MYT1L: variants seen among roughly 807,000 people sequenced by gnomAD.
MYT1L encodes the protein myelin transcription factor 1 like.
In MYT1L, 12 loss-of-function variants were observed where a neutral mutation model predicts 126.7. The observed-to-expected ratio is 0.09, with a 90% confidence interval of 0.06 to 0.15. The LOEUF (loss-of-function observed/expected upper bound fraction) is 0.15. Ranked by LOEUF, MYT1L falls within the 10% of genes least tolerant of loss-of-function variation. The pLI is 1.00. For missense variants in MYT1L, 979 were observed against 1,585.2 expected (o/e 0.62, Z 6.49); for synonymous variants, 541 against 604.2 (o/e 0.90, Z 1.53).
At chr2:2,067,339 T>C (rs867363906) in intron 3 of MYT1L, among the ~76,000 whole-genome samples, 8 of 152,168 alleles carry the variant, frequency 5.3e-5, no homozygotes, top group Admixed American at 2.0e-4. Flanking sequence ...AATACATATA[T>C]TCCTTAACAA....
At chr2:2,158,236 T>C (rs1049497546) in intron 3 of MYT1L, among the ~76,000 whole-genome samples, 3 of 151,692 alleles carry the variant, frequency 2.0e-5, no homozygotes, top group African/African-American at 7.3e-5. Context: ...TGGCCCTTGC[T>C]AGGCAGATTT....
At chr2:2,168,602 G>A (rs777150897) in intron 3 of MYT1L, among the ~76,000 whole-genome samples, 2 of 152,194 alleles carry the variant, frequency 1.3e-5, no homozygotes, top group African/African-American at 2.4e-5. Context: ...TGTGCTGAGA[G>A]CTGGGTACAC....
intron 4 of MYT1L, among the ~76,000 whole-genome samples, chr2:2,020,348 TAGAG>T (rs1558760637): frequency 6.6e-6 from 1 of 152,190 alleles, no homozygotes; most frequent in Non-Finnish European, 1.5e-5. Context: ...TTCTCAAGGG[TAGAG>T]ATTTATTTAA....
intron 2 of MYT1L, among the ~76,000 whole-genome samples, chr2:2,279,223 C>G (rs765516017): frequency 1.3e-5 from 2 of 152,114 alleles, no homozygotes; most frequent in Non-Finnish European, 2.9e-5. Context: ...ACAAAACTCC[C>G]TTGGTTTTAT....
intron 21 of MYT1L, among the ~76,000 whole-genome samples, chr2:1,836,791 TC>T (rs1341454631): frequency 6.6e-6 from 1 of 151,414 alleles, no homozygotes; most frequent in African/African-American, 2.4e-5. Flanking sequence ...CACCCCAAGA[TC>T]CCATCAGCCT....
chr2:2,085,967 G>A (rs2076315411), intron 3 of MYT1L, among the ~76,000 whole-genome samples: 1 of 152,164 alleles, frequency 6.6e-6, no homozygotes, highest in Non-Finnish European at 1.5e-5. Context: ...AGAAGGGAAT[G>A]GAATCTCAAC....
chr2:1,833,011 G>A (rs985668486), intron 21 of MYT1L, among the ~76,000 whole-genome samples: 3 of 152,152 alleles, frequency 2.0e-5, no homozygotes, highest in Non-Finnish European at 4.4e-5. Context: ...TGTCTGTGTC[G>A]GCCGAATGAG....
intron 2 of MYT1L, among the ~76,000 whole-genome samples, chr2:2,232,176 G>A: frequency 6.6e-6 from 1 of 152,236 alleles, no homozygotes. Context: ...CAGTGGTGCA[G>A]ATGGCTGAGT....
At chr2:2,204,199 G>A (rs2093208976) in intron 2 of MYT1L, among the ~76,000 whole-genome samples, 1 of 152,146 alleles carries the variant, frequency 6.6e-6, no homozygotes, top group Admixed American at 6.5e-5. Context: ...ACATAGGCAT[G>A]GGCAAGGACT....
At chr2:2,219,356 C>T (rs182438355) in intron 2 of MYT1L, among the ~76,000 whole-genome samples, 1 of 152,270 alleles carries the variant, frequency 6.6e-6, no homozygotes, top group Non-Finnish European at 1.5e-5. Flanking sequence ...GAGACACTGC[C>T]TCCAGCTGTA....
chr2:2,330,611 T>C (rs2096278957), intron 1 of MYT1L, among the ~76,000 whole-genome samples: 1 of 152,234 alleles, frequency 6.6e-6, no homozygotes, highest in African/African-American at 2.4e-5. Context: ...CATAAAATGA[T>C]GTGCTTCATT....
At chr2:1,926,541 G>A (rs2054252874) in intron 9 of MYT1L, among the ~76,000 whole-genome samples, 1 of 152,156 alleles carries the variant, frequency 6.6e-6, no homozygotes, top group South Asian at 2.1e-4. Flanking sequence ...CAAAAAGCAG[G>A]AGGCCATTTT....
chr2:2,241,851 G>A (rs575059983), intron 2 of MYT1L, among the ~76,000 whole-genome samples: 16 of 152,222 alleles, frequency 1.1e-4, no homozygotes, highest in African/African-American at 3.6e-4. Context: ...AACAGATACC[G>A]TACAATGCCA....
At chr2:1,797,925 T>TC (rs1446144052) in intron 23 of MYT1L, among the ~76,000 whole-genome samples, 3 of 35,668 alleles carry the variant, frequency 8.4e-5, no homozygotes, top group African/African-American at 1.1e-4. Flanking sequence ...CGCGGCGGTC[T>TC]CCCCCTTCTC....
chr2:1,924,840 A>T (rs1365375849), intron 9 of MYT1L, among the ~76,000 whole-genome samples: 1 of 152,238 alleles, frequency 6.6e-6, no homozygotes, highest in Non-Finnish European at 1.5e-5. Context: ...TGAATCAGAA[A>T]CATTGTGGAA....
At chr2:2,086,676 G>A (rs779147933) in intron 3 of MYT1L, among the ~76,000 whole-genome samples, 3 of 152,128 alleles carry the variant, frequency 2.0e-5, no homozygotes, top group Non-Finnish European at 2.9e-5. Context: ...AAGGAGCCCC[G>A]GTGACCGAAC....
chr2:2,113,216 G>A (rs2079711179), intron 3 of MYT1L, among the ~76,000 whole-genome samples: 1 of 152,214 alleles, frequency 6.6e-6, no homozygotes, highest in African/African-American at 2.4e-5. Flanking sequence ...GAACAGAATT[G>A]GAGAGTGACT....
chr2:1,808,597 G>A (rs966489496), intron 22 of MYT1L, among the ~76,000 whole-genome samples: 182 of 152,312 alleles, frequency 1.2e-3, no homozygotes, highest in African/African-American at 4.3e-3. Flanking sequence ...GTGCTGGTTG[G>A]TGACAAGAGA....
At chr2:2,100,500 C>T (rs1267833655) in intron 3 of MYT1L, among the ~76,000 whole-genome samples, 1 of 152,106 alleles carries the variant, frequency 6.6e-6, no homozygotes, top group Admixed American at 6.6e-5. Flanking sequence ...GGAGGCGATA[C>T]CCTTTCTTGG....
Sources: gnomAD v4.1 joint callset for allele counts (sites outside exome capture counted in the v4.1 genomes callset) on GRCh38, gnomAD v4.1.1 for gene constraint, MANE v1.5 for transcripts, NCBI Gene and HGNC (gene_info 2026-07-23, HGNC 2026-07-21) for gene names.